Variants in KCNIP4 observed in about 807,000 individuals in gnomAD.
The protein encoded by KCNIP4 is Kv channel-interacting protein 4.
KCNIP4 carries 12 observed loss-of-function variants against 34.0 expected under a neutral mutation model. The observed-to-expected ratio is 0.35, with a 90% CI of 0.23 to 0.57. KCNIP4 has a LOEUF of 0.57. Among genes scored for constraint, KCNIP4 ranks in the 20% least tolerant of loss-of-function variants. The pLI, the probability that KCNIP4 is intolerant of heterozygous loss-of-function variation, is 0.83. For missense variants in KCNIP4, 238 were observed against 311.7 expected, an observed-to-expected ratio of 0.76 and a Z score of 1.78; for synonymous variants, 124 against 102.2, an observed-to-expected ratio of 1.21 and a Z score of -1.29.
chr4:21,302,824 C>T (rs2109246584), intron 1 of KCNIP4, among the ~76,000 whole-genome samples: 1 of 152,242 alleles, frequency 6.6e-6, no homozygotes, highest in South Asian at 2.1e-4. Flanking sequence ...ATTTATGTTA[C>T]ACTGTGGCAG....
At chr4:21,856,669 G>A (rs1256050651) in intron 1 of KCNIP4, among the ~76,000 whole-genome samples, 1 of 152,122 alleles carries the variant, frequency 6.6e-6, no homozygotes, top group Non-Finnish European at 1.5e-5. Flanking sequence ...TGCCCAATCT[G>A]TGGCTGTAAA....
intron 1 of KCNIP4, among the ~76,000 whole-genome samples, chr4:21,785,091 A>G (rs969226319): frequency 1.3e-5 from 2 of 152,154 alleles, no homozygotes; most frequent in East Asian, 3.9e-4. Flanking sequence ...TTGGTCCATT[A>G]AGAATAGCGG....
intron 1 of KCNIP4, among the ~76,000 whole-genome samples, chr4:21,790,635 G>A (rs1208623828): frequency 4.0e-5 from 6 of 151,628 alleles, no homozygotes; most frequent in African/African-American, 1.5e-4. Context: ...ACCAGAAGAG[G>A]GCGCTATCCT....
At chr4:21,459,820 T>A (rs1470694502) in intron 1 of KCNIP4, among the ~76,000 whole-genome samples, 1 of 152,020 alleles carries the variant, frequency 6.6e-6, no homozygotes, top group Non-Finnish European at 1.5e-5. Flanking sequence ...CTTAGTAGTT[T>A]TCAGCATATT....
chr4:21,047,477 TAAG>T (rs1742534736), intron 1 of KCNIP4, among the ~76,000 whole-genome samples: 2 of 152,296 alleles, frequency 1.3e-5, no homozygotes, highest in South Asian at 4.1e-4. Context: ...ATAATGCAGC[TAAG>T]GAGGTATTAT....
At chr4:21,742,620 G>A (rs753711470) in intron 1 of KCNIP4, among the ~76,000 whole-genome samples, 2 of 152,288 alleles carry the variant, frequency 1.3e-5, no homozygotes, top group South Asian at 2.1e-4. Flanking sequence ...CCAACCAGAT[G>A]TACTGGTAAA....
intron 2 of KCNIP4, among the ~76,000 whole-genome samples, chr4:20,856,145 A>G (rs981307304): frequency 1.3e-5 from 2 of 152,238 alleles, no homozygotes; most frequent in African/African-American, 2.4e-5. Context: ...TGTTGATCCA[A>G]TGACTTCAAC....
intron 1 of KCNIP4, among the ~76,000 whole-genome samples, chr4:21,376,975 G>A (rs1350971401): frequency 3.3e-5 from 5 of 152,068 alleles, no homozygotes; most frequent in African/African-American, 1.2e-4. Flanking sequence ...ATTTCTTTAC[G>A]ATCAAACGAA....
At chr4:21,475,691 A>T (rs1396613967) in intron 1 of KCNIP4, among the ~76,000 whole-genome samples, 1 of 152,182 alleles carries the variant, frequency 6.6e-6, no homozygotes, top group African/African-American at 2.4e-5. Context: ...CGAAATGCAA[A>T]TTTGGCTATA....
At chr4:21,787,709 T>C (rs960762428) in intron 1 of KCNIP4, among the ~76,000 whole-genome samples, 1 of 152,208 alleles carries the variant, frequency 6.6e-6, no homozygotes, top group African/African-American at 2.4e-5. Flanking sequence ...CACACACAGC[T>C]GAAACCATAT....
chr4:21,235,451 T>G (rs1473770392), intron 1 of KCNIP4, among the ~76,000 whole-genome samples: 2 of 152,160 alleles, frequency 1.3e-5, no homozygotes, highest in African/African-American at 2.4e-5. Flanking sequence ...TCAGGGATTT[T>G]GCATCTACTA....
chr4:20,853,016 C>T (rs1721194345), intron 2 of KCNIP4, among the ~76,000 whole-genome samples: 1 of 152,150 alleles, frequency 6.6e-6, no homozygotes, highest in South Asian at 2.1e-4. Flanking sequence ...TGGGTAGAAT[C>T]ATGGATGGGT....
intron 1 of KCNIP4, chr4:21,844,453 A>T (rs1723883457): frequency 6.6e-6 from 1 of 152,110 alleles, no homozygotes; most frequent in Non-Finnish European, 1.5e-5. Flanking sequence ...TCTGACAGTC[A>T]ACTCCAAAAT....
intron 1 of KCNIP4, among the ~76,000 whole-genome samples, chr4:21,056,798 C>T (rs936900575): frequency 1.3e-5 from 2 of 152,052 alleles, no homozygotes; most frequent in African/African-American, 4.8e-5. Flanking sequence ...TGCAGAAGCC[C>T]TAAATCCAAT....
chr4:21,735,779 T>C lies in KCNIP4; in HGVS notation c.61+212792A>G, dbSNP rs1715952181. On this transcript the variant is annotated intron_variant, in intron 1 of 8. Coordinates refer to ENST00000382152, the MANE Select transcript of KCNIP4 (RefSeq NM_025221.6). ...GTCACGCGAAGAATGGGGACTAGCC[T>C]GCATAAACAAAAATCCAAACTAGAA... 2.0e-5 allele frequency among the ~76,000 whole-genome samples: 3 copies of C among 152,164 alleles called. No individual in the cohort carries two copies. In the South Asian group the frequency reaches 6.2e-4, roughly 31 times the overall value.
chr4:21,453,075 AGG>A (rs1728646050), intron 1 of KCNIP4, among the ~76,000 whole-genome samples: 1 of 152,042 alleles, frequency 6.6e-6, no homozygotes, highest in Non-Finnish European at 1.5e-5. Flanking sequence ...TTAGAACTAC[AGG>A]CTCAAAGAAA....
chr4:21,910,181 A>C (rs899080820), intron 1 of KCNIP4, among the ~76,000 whole-genome samples: 1 of 152,058 alleles, frequency 6.6e-6, no homozygotes, highest in East Asian at 1.9e-4. Context: ...ATCTACCCAA[A>C]AGAAGGAGAT....
At chr4:21,120,117 G>A (rs1750027246) in intron 1 of KCNIP4, among the ~76,000 whole-genome samples, 1 of 152,174 alleles carries the variant, frequency 6.6e-6, no homozygotes, top group Non-Finnish European at 1.5e-5. Flanking sequence ...CTTGGCCCAT[G>A]TTTCTAGACA....
chr4:20,814,710 T>C (rs1716174681), intron 3 of KCNIP4, among the ~76,000 whole-genome samples: 1 of 152,162 alleles, frequency 6.6e-6, no homozygotes, highest in Non-Finnish European at 1.5e-5. Context: ...AATACAAGAT[T>C]GGCCAATAAG....
Sources: gnomAD v4.1 joint callset for allele counts (sites outside exome capture counted in the v4.1 genomes callset) on GRCh38, gnomAD v4.1.1 for gene constraint, MANE v1.5 for transcripts, NCBI Gene and HGNC (gene_info 2026-07-23, HGNC 2026-07-21) for gene names.